TMEM260: variants seen among roughly 807,000 people sequenced by gnomAD.
TMEM260 encodes the protein protein O-mannosyl-transferase TMEM260.
In TMEM260, 82 loss-of-function variants were observed where a neutral mutation model predicts 88.9. That is an observed-to-expected ratio of 0.92 (90% CI 0.77 to 1.11). The LOEUF is 1.11. Ranked by LOEUF, TMEM260 falls within the 50% of genes least tolerant of loss-of-function variation. The pLI is 0.00. For synonymous variants in TMEM260, 314 were observed against 309.3 expected, an observed-to-expected ratio of 1.02 and a Z score of -0.16; for missense variants, 902 against 853.4, an observed-to-expected ratio of 1.06 and a Z score of -0.71.
intron 3 of TMEM260, among the ~76,000 whole-genome samples, chr14:56,587,401 A>G (rs1317159752): frequency 6.6e-6 from 1 of 151,956 alleles, no homozygotes; most frequent in Non-Finnish European, 1.5e-5. Flanking sequence ...TATGAGAACT[A>G]CTGTAAGAAT....
chr14:56,609,374 CAATGACAGTAGATCA>C, intron 6 of TMEM260, 89 bp downstream of exon 6: 1 of 1,211,926 alleles, frequency 8.3e-7, no homozygotes, highest in Non-Finnish European at 1.2e-6. Flanking sequence ...CAATATTTGT[CAATGACAGTAGATCA>C]AATGTTTGTT....
At chr14:56,646,606 C>T (rs1889983872) in intron 15 of TMEM260, among the ~76,000 whole-genome samples, 1 of 152,150 alleles carries the variant, frequency 6.6e-6, no homozygotes, top group Non-Finnish European at 1.5e-5. Context: ...TTCCTATGGG[C>T]AAAGTTTTAA....
downstream of TMEM260, among the ~76,000 whole-genome samples, chr14:56,652,617 G>A (rs1266056774): frequency 6.6e-6 from 1 of 152,070 alleles, no homozygotes; most frequent in Non-Finnish European, 1.5e-5. Flanking sequence ...AAAAACTAGG[G>A]TTCCTTAGTC....
downstream of TMEM260, among the ~76,000 whole-genome samples, chr14:56,653,743 A>AAAAACAAAAAAACAAC (rs1555343577): frequency 7.5e-6 from 1 of 134,170 alleles, no homozygotes; most frequent in Non-Finnish European, 1.5e-5. Context: ...CTCCAAAACA[A>AAAAACAAAAAAACAAC]AAAAAAAAAA....
At chr14:56,588,915 A>C (rs534075414) in intron 3 of TMEM260, among the ~76,000 whole-genome samples, 1 of 152,028 alleles carries the variant, frequency 6.6e-6, no homozygotes, top group East Asian at 1.9e-4. Flanking sequence ...TTTAGATTTA[A>C]TAGCATAATA....
chr14:56,581,015 G>A (rs1292084443), intron 1 of TMEM260, among the ~76,000 whole-genome samples: 2 of 152,178 alleles, frequency 1.3e-5, no homozygotes, highest in African/African-American at 4.8e-5. Flanking sequence ...TCAGAAAAAG[G>A]TTGCTGTCAT....
intron 5 of TMEM260, among the ~76,000 whole-genome samples, chr14:56,607,692 A>C (rs1398225994): frequency 6.6e-6 from 1 of 152,148 alleles, no homozygotes; most frequent in Non-Finnish European, 1.5e-5. Flanking sequence ...GTACATATAT[A>C]CATAGGGACG....
the TMEM260 span, among the ~76,000 whole-genome samples, chr14:56,658,482 C>A: frequency 6.6e-6 from 1 of 151,784 alleles, no homozygotes; most frequent in Non-Finnish European, 1.5e-5. Context: ...CCTGACCACT[C>A]GCCTCAGCCT....
At chr14:56,628,652 T>C (rs1888386853) in intron 12 of TMEM260, among the ~76,000 whole-genome samples, 1 of 152,162 alleles carries the variant, frequency 6.6e-6, no homozygotes, top group African/African-American at 2.4e-5. Flanking sequence ...TGGGGTTTTT[T>C]ATTGGTTTTA....
At chr14:56,640,705 A>G (rs1430601607) in intron 15 of TMEM260, among the ~76,000 whole-genome samples, 2 of 152,210 alleles carry the variant, frequency 1.3e-5, no homozygotes, top group African/African-American at 4.8e-5. Flanking sequence ...CAAGCTAAAG[A>G]AGGAAGTTCG....
At chr14:56,597,537 G>GT (rs1379340630) in intron 3 of TMEM260, among the ~76,000 whole-genome samples, 3 of 152,126 alleles carry the variant, frequency 2.0e-5, no homozygotes, top group Non-Finnish European at 4.4e-5. Context: ...ATCATGAAAG[G>GT]TTTTTTATGT....
At chr14:56,625,922 G>A (rs1182554156) in intron 12 of TMEM260, among the ~76,000 whole-genome samples, 1 of 152,084 alleles carries the variant, frequency 6.6e-6, no homozygotes, top group Non-Finnish European at 1.5e-5. Flanking sequence ...TATAAAAATA[G>A]CTTAAGAATT....
intron 7 of TMEM260, chr14:56,613,672 A>G (rs1868512660): frequency 6.6e-6 from 1 of 151,764 alleles, no homozygotes; most frequent in Admixed American, 6.6e-5. Context: ...GGTTCTCACC[A>G]TTGATTGTAA....
chr14:56,642,914 A>T (rs544311078), intron 15 of TMEM260, among the ~76,000 whole-genome samples: 1 of 152,378 alleles, frequency 6.6e-6, no homozygotes, highest in South Asian at 2.1e-4. Flanking sequence ...CTAATCTAGA[A>T]GAAATGGATA....
chr14:56,635,289 G>A (rs577581121), intron 14 of TMEM260, among the ~76,000 whole-genome samples: 52 of 152,260 alleles, frequency 3.4e-4, no homozygotes, highest in Admixed American at 1.0e-3. Flanking sequence ...GAGTGTAATC[G>A]ATTGAGTAGA....
intron 3 of TMEM260, among the ~76,000 whole-genome samples, chr14:56,589,387 A>G (rs1389320242): frequency 6.6e-6 from 1 of 152,154 alleles, no homozygotes; most frequent in East Asian, 1.9e-4. Context: ...TTGAAGACTC[A>G]TGTGAATTGA....
chr14:56,633,581 T>C (rs1160164781), intron 13 of TMEM260: 2 of 154,572 alleles, frequency 1.3e-5, no homozygotes, highest in Middle Eastern at 3.1e-3. Flanking sequence ...TTTTTTTTTT[T>C]CCTTAAGAAT....
chr14:56,585,654 C>G, intron 2 of TMEM260, 107 bp from the exon 3 acceptor site: 2 of 1,031,240 alleles, frequency 1.9e-6, no homozygotes, highest in Non-Finnish European at 2.9e-6. Context: ...GTCATTGGTG[C>G]CTAATCTTTA....
chr14:56,623,612 C>T (rs756203357), intron 11 of TMEM260, among the ~76,000 whole-genome samples: 1 of 152,172 alleles, frequency 6.6e-6, no homozygotes, highest in Non-Finnish European at 1.5e-5. Flanking sequence ...GTTGAGTGGG[C>T]AATCAACAGT....
Sources: gnomAD v4.1 joint callset for allele counts (sites outside exome capture counted in the v4.1 genomes callset) on GRCh38, gnomAD v4.1.1 for gene constraint, MANE v1.5 for transcripts, NCBI Gene and HGNC (gene_info 2026-07-23, HGNC 2026-07-21) for gene names.